FOXO1: variants seen among roughly 807,000 people sequenced by gnomAD.
FOXO1 encodes forkhead box protein O1.
In FOXO1, 6 loss-of-function variants were observed where a neutral mutation model predicts 44.1. That is an observed-to-expected ratio of 0.14 (90% CI 0.07 to 0.27). FOXO1 has a LOEUF of 0.27. Among genes scored for constraint, FOXO1 ranks in the 10% least tolerant of loss-of-function variants. The pLI is 1.00. For missense variants in FOXO1, 737 were observed against 888.8 expected (o/e 0.83, Z 2.17); for synonymous variants, 380 against 362.7 (o/e 1.05, Z -0.54).
At chr13:40,648,492 G>C (rs1417804658) in intron 1 of FOXO1, among the ~76,000 whole-genome samples, 1 of 152,136 alleles carries the variant, frequency 6.6e-6, no homozygotes, top group Non-Finnish European at 1.5e-5. Context: ...TTATTATTGT[G>C]CACTATTTTC....
At chr13:40,638,089 T>C (rs1246832549) in intron 1 of FOXO1, among the ~76,000 whole-genome samples, 1 of 152,234 alleles carries the variant, frequency 6.6e-6, no homozygotes, top group Non-Finnish European at 1.5e-5. Context: ...TCTTGAAATT[T>C]GGTTTTTCTG....
intron 1 of FOXO1, among the ~76,000 whole-genome samples, chr13:40,612,348 T>C (rs998097470): frequency 6.6e-6 from 1 of 152,132 alleles, no homozygotes; most frequent in East Asian, 1.9e-4. Flanking sequence ...AGACAGTATA[T>C]CACAGACACA....
At position 40,630,528 on chromosome 13, in the gene FOXO1, G is replaced by A. The variant is rs559887305; in HGVS notation, c.630+35055C>T. On this transcript the variant is annotated intron_variant, in intron 1 of 2. Transcript: ENST00000379561. Reference sequence around the variant, plus strand: ...AATGTAGCCAGGTGCAGTGGCGCGCGCCTGTAATCCCAGCTACTCGGAAGG... The same window carrying A: ...AATGTAGCCAGGTGCAGTGGCGCGCACCTGTAATCCCAGCTACTCGGAAGG... Among the ~76,000 whole-genome samples, 5 of 152,084 alleles carry A rather than the reference G, an allele frequency of 3.3e-5. No individual in the cohort carries two copies. The East Asian group carries it at 7.7e-4, about 24-fold the overall frequency.
chr13:40,642,769 A>C (rs1192474929), intron 1 of FOXO1, among the ~76,000 whole-genome samples: 1 of 151,922 alleles, frequency 6.6e-6, no homozygotes, highest in Non-Finnish European at 1.5e-5. Context: ...AAATACAAAA[A>C]AGTAGTCTAC....
chr13:40,595,722 G>A (rs868865125), intron 1 of FOXO1, among the ~76,000 whole-genome samples: 2 of 151,898 alleles, frequency 1.3e-5, no homozygotes, highest in Non-Finnish European at 2.9e-5. Flanking sequence ...ATCCTTGAAC[G>A]GTTAACAAAA....
chr13:40,619,619 C>A, intron 1 of FOXO1: 1 of 1,541,032 alleles, frequency 6.5e-7, no homozygotes, highest in African/African-American at 1.4e-5. Flanking sequence ...TCATCTAGTC[C>A]TGTGGCTAGG....
chr13:40,650,314 T>A (rs1246619891), intron 1 of FOXO1, among the ~76,000 whole-genome samples: 2 of 152,130 alleles, frequency 1.3e-5, no homozygotes, highest in African/African-American at 2.4e-5. Flanking sequence ...ACCAGCAAGG[T>A]CTTTATGACC....
At chr13:40,662,103 G>A (rs960917170) in intron 1 of FOXO1, among the ~76,000 whole-genome samples, 7 of 148,746 alleles carry the variant, frequency 4.7e-5, no homozygotes, top group Non-Finnish European at 5.9e-5. Context: ...CCTGGGAGGC[G>A]GAGGTTGCAG....
intron 1 of FOXO1, among the ~76,000 whole-genome samples, chr13:40,590,880 A>C (rs1460833034): frequency 2.6e-5 from 4 of 152,192 alleles, no homozygotes; most frequent in African/African-American, 9.7e-5. Flanking sequence ...TGTTTCACTT[A>C]ACGCTACACT....
chr13:40,605,555 T>C (rs1875963947), intron 1 of FOXO1, among the ~76,000 whole-genome samples: 1 of 152,156 alleles, frequency 6.6e-6, no homozygotes, highest in Non-Finnish European at 1.5e-5. Flanking sequence ...TTCCTCCCCT[T>C]TGTCCAGGCT....
intron 1 of FOXO1, among the ~76,000 whole-genome samples, chr13:40,606,028 G>C (rs1233271821): frequency 2.6e-5 from 4 of 152,192 alleles, no homozygotes; most frequent in East Asian, 1.9e-4. Context: ...TTACTGAAAG[G>C]CTTGTTCTAC....
intron 1 of FOXO1, among the ~76,000 whole-genome samples, chr13:40,627,339 T>C (rs1449716144): frequency 6.6e-6 from 1 of 152,192 alleles, no homozygotes; most frequent in African/African-American, 2.4e-5. Context: ...GTCTGGCTTC[T>C]TCCAAGGTGT....
At chr13:40,622,627 A>G (rs1225657895) in intron 1 of FOXO1, among the ~76,000 whole-genome samples, 3 of 152,212 alleles carry the variant, frequency 2.0e-5, no homozygotes, top group African/African-American at 7.2e-5. Context: ...CCTGCTTGAC[A>G]TAATTCCACC....
At chr13:40,582,913 T>C (rs1014006093) in intron 1 of FOXO1, among the ~76,000 whole-genome samples, 3 of 152,230 alleles carry the variant, frequency 2.0e-5, no homozygotes, top group Non-Finnish European at 2.9e-5. Flanking sequence ...GCTAAATCCT[T>C]TCTTGAAGAT....
chr13:40,650,063 C>G (rs1028604005), intron 1 of FOXO1, among the ~76,000 whole-genome samples: 1 of 152,162 alleles, frequency 6.6e-6, no homozygotes, highest in Admixed American at 6.5e-5. Flanking sequence ...CAAAGCAGCC[C>G]AAGGGCTGCT....
At chr13:40,642,787 G>C (rs1258366018) in intron 1 of FOXO1, among the ~76,000 whole-genome samples, 3 of 151,998 alleles carry the variant, frequency 2.0e-5, no homozygotes, top group Non-Finnish European at 4.4e-5. Context: ...TACCATGGTG[G>C]CGTGCACCTG....
At chr13:40,619,491 G>C (rs1364408273) in intron 1 of FOXO1, 3 of 1,314,064 alleles carry the variant, frequency 2.3e-6, no homozygotes, top group Non-Finnish European at 3.3e-6. Context: ...GAGAGTTTCG[G>C]TTTAGTTTGG....
In FOXO1 at chr13:40,557,511, G is replaced by T. The variant is rs1873802339; in HGVS notation, c.*1538C>A. On this transcript the variant is annotated 3_prime_UTR_variant, in exon 3 of 3. Transcript: ENST00000379561. Reference sequence around the variant, plus strand: ...TTTTTAAGTAAGTTCTATTCCATTTGCTACCCATCTGAACTTATGAACACA... The same window carrying T: ...TTTTTAAGTAAGTTCTATTCCATTTTCTACCCATCTGAACTTATGAACACA... 1.3e-5 allele frequency: 2 copies of T among 152,172 alleles called. No homozygotes were observed. The allele number at this position is 152,172 out of a possible 1,614,324, so 9.4% of individuals were successfully genotyped here.
rs1401798572 is a variant in FOXO1, at chr13:40,560,580, T to C, written c.911A>G (p.Asn304Ser). The C allele has an allele frequency of 1.9e-6, 3 of 1,614,216 alleles. No individual in the cohort carries two copies. The highest frequency in any genetic ancestry group is 1.7e-5 in the Admixed American group (1 of 60,028). ...KWPASPGSHS[N>S]DDFDNWSTFR... Reference sequence around the variant, plus strand: ...TGTACTCCAGTTATCAAAGTCATCATTGCTGTGAGAGCCAGGGCTTGCAGG... The same window carrying C: ...TGTACTCCAGTTATCAAAGTCATCACTGCTGTGAGAGCCAGGGCTTGCAGG... Residue 304 changes from asparagine (N) to serine (S), a missense_variant, in exon 2 of 3, where the codon AAT becomes AGT. Around this residue, in one of 7 missense-constraint regions of FOXO1, gnomAD observed 136 missense variants for 186.4 expected, o/e 0.73. Coordinates refer to ENST00000379561, the MANE Select transcript of FOXO1 (RefSeq NM_002015.4). The surrounding 1 kb of genome is among the most constrained non-coding windows in gnomAD (Gnocchi z 5.1).
Sources: gnomAD v4.1 joint callset for allele counts (sites outside exome capture counted in the v4.1 genomes callset) on GRCh38, gnomAD v4.1.1 for gene constraint, gnomAD v4.1.1 regional missense constraint, Gnocchi (gnomAD v3.1) non-coding constraint, MANE v1.5 for transcripts, NCBI Gene and HGNC (gene_info 2026-07-23, HGNC 2026-07-21) for gene names.